The following ARHGAP26 variants were observed in gnomAD, a reference collection of about 807,000 sequenced individuals.
ARHGAP26 encodes rho GTPase-activating protein 26.
In ARHGAP26, 38 loss-of-function variants were observed where a neutral mutation model predicts 104.8. The observed-to-expected ratio is 0.36, with a 90% CI of 0.28 to 0.48. ARHGAP26 has a LOEUF of 0.48. Ranked by LOEUF, ARHGAP26 falls within the 20% of genes least tolerant of loss-of-function variation. ARHGAP26 has a pLI of 0.99. For synonymous variants in ARHGAP26, 341 were observed against 340.0 expected, an observed-to-expected ratio of 1.00 and a Z score of -0.03; for missense variants, 704 against 947.9, an observed-to-expected ratio of 0.74 and a Z score of 3.38.
chr5:143,088,718 G>C (rs1157887864), intron 17 of ARHGAP26, among the ~76,000 whole-genome samples: 1 of 152,178 alleles, frequency 6.6e-6, no homozygotes, highest in Non-Finnish European at 1.5e-5. Context: ...AGCGGTGAGC[G>C]CACACTTTGG....
At chr5:143,177,467 A>G (rs1169740160) in intron 20 of ARHGAP26, among the ~76,000 whole-genome samples, 2 of 152,186 alleles carry the variant, frequency 1.3e-5, no homozygotes, top group East Asian at 3.8e-4. Context: ...CAGACCACAG[A>G]AAACCTGGCA....
chr5:143,205,168 A>T (rs1808369242), intron 20 of ARHGAP26, among the ~76,000 whole-genome samples: 1 of 152,146 alleles, frequency 6.6e-6, no homozygotes, highest in Non-Finnish European at 1.5e-5. Context: ...CTTAGCCCTC[A>T]ACTGATGGAT....
chr5:142,903,341 A>G (rs914829813), intron 7 of ARHGAP26, among the ~76,000 whole-genome samples, 199 bp from the exon 8 acceptor site: 2 of 152,198 alleles, frequency 1.3e-5, no homozygotes, highest in Non-Finnish European at 2.9e-5. Flanking sequence ...TGATTTTGAT[A>G]GTCACTAGAG....
At chr5:142,885,893 T>G (rs1214840490) in intron 5 of ARHGAP26, among the ~76,000 whole-genome samples, 1 of 152,188 alleles carries the variant, frequency 6.6e-6, no homozygotes, top group Non-Finnish European at 1.5e-5. Flanking sequence ...AAGCAGTGCT[T>G]TATTGTCCTG....
chr5:142,804,991 G>C (rs1463063316), intron 1 of ARHGAP26, among the ~76,000 whole-genome samples: 6 of 151,874 alleles, frequency 4.0e-5, no homozygotes, highest in Admixed American at 3.3e-4. Context: ...ATGTTTTTCG[G>C]GTCCATTCAT....
chr5:142,804,799 A>AT (rs200767347), intron 1 of ARHGAP26, among the ~76,000 whole-genome samples: 31 of 149,252 alleles, frequency 2.1e-4, no homozygotes, highest in African/African-American at 3.9e-4. Context: ...GGCTGAACAG[A>AT]TTTTTTTTTT....
At chr5:143,175,084 TC>T (rs1254320415) in intron 20 of ARHGAP26, among the ~76,000 whole-genome samples, 1 of 152,230 alleles carries the variant, frequency 6.6e-6, no homozygotes, top group Non-Finnish European at 1.5e-5. Flanking sequence ...GACTTTCTTT[TC>T]CCCACATAAA....
At chr5:142,843,055 G>A (rs1162016317) in intron 1 of ARHGAP26, among the ~76,000 whole-genome samples, 1 of 152,128 alleles carries the variant, frequency 6.6e-6, no homozygotes, top group Non-Finnish European at 1.5e-5. Flanking sequence ...GCTCAGAGGT[G>A]GACCTACCCC....
chr5:143,120,416 C>A (rs113719524), intron 17 of ARHGAP26, among the ~76,000 whole-genome samples: 43 of 152,262 alleles, frequency 2.8e-4, no homozygotes, highest in African/African-American at 1.0e-3. Context: ...TGTTTATGCC[C>A]TGTTTCACTT....
At chr5:142,887,207 CT>C (rs1176848200) in intron 5 of ARHGAP26, among the ~76,000 whole-genome samples, 1 of 152,160 alleles carries the variant, frequency 6.6e-6, no homozygotes, top group Non-Finnish European at 1.5e-5. Context: ...CCAGCATTTT[CT>C]TTTAGGGCTG....
intron 17 of ARHGAP26, among the ~76,000 whole-genome samples, chr5:143,088,045 T>C (rs966495064): frequency 2.0e-5 from 3 of 152,114 alleles, no homozygotes; most frequent in African/African-American, 4.8e-5. Context: ...GCTGGAAGGG[T>C]CCTGGGATGT....
intron 1 of ARHGAP26, among the ~76,000 whole-genome samples, chr5:142,865,544 G>C (rs1754130565): frequency 7.0e-6 from 1 of 143,762 alleles, no homozygotes. Context: ...CTGACCAATG[G>C]TCTGTGCACA....
chr5:142,856,545 CT>C (rs1296724205), intron 1 of ARHGAP26, among the ~76,000 whole-genome samples: 1 of 152,190 alleles, frequency 6.6e-6, no homozygotes, highest in African/African-American at 2.4e-5. Flanking sequence ...GTATTAGCCT[CT>C]TTAGGCTGAC....
chr5:142,981,854 T>C (rs1444342540), intron 11 of ARHGAP26, among the ~76,000 whole-genome samples: 1 of 152,236 alleles, frequency 6.6e-6, no homozygotes, highest in African/African-American at 2.4e-5. Context: ...TCCTTGCTTT[T>C]TAAACCTCAA....
chr5:143,195,422 C>A (rs1293239963), intron 20 of ARHGAP26, among the ~76,000 whole-genome samples: 2 of 152,148 alleles, frequency 1.3e-5, no homozygotes, highest in African/African-American at 4.8e-5. Flanking sequence ...TTTCCTCCCC[C>A]TAGTCCAAAC....
intron 20 of ARHGAP26, among the ~76,000 whole-genome samples, chr5:143,195,564 C>A (rs1806697223): frequency 6.6e-6 from 1 of 152,146 alleles, no homozygotes; most frequent in South Asian, 2.1e-4. Flanking sequence ...TGACGTCCCC[C>A]TACCCCAGGT....
At chr5:142,850,606 G>T (rs369929953) in intron 1 of ARHGAP26, among the ~76,000 whole-genome samples, 1 of 152,162 alleles carries the variant, frequency 6.6e-6, no homozygotes, top group Non-Finnish European at 1.5e-5. Context: ...CAGTCTCTCC[G>T]TAAAATAGGT....
At chr5:143,143,940 A>T (rs1265047228) in intron 19 of ARHGAP26, among the ~76,000 whole-genome samples, 1 of 152,214 alleles carries the variant, frequency 6.6e-6, no homozygotes, top group Non-Finnish European at 1.5e-5. Context: ...CTTGTTGCTG[A>T]GGTCTTGTTT....
At chr5:142,984,434 A>G (rs1323450877) in intron 11 of ARHGAP26, among the ~76,000 whole-genome samples, 1 of 152,236 alleles carries the variant, frequency 6.6e-6, no homozygotes, top group Non-Finnish European at 1.5e-5. Context: ...TGAGTGACTT[A>G]GAAACTCCTT....
Sources: gnomAD v4.1 joint callset for allele counts (sites outside exome capture counted in the v4.1 genomes callset) on GRCh38, gnomAD v4.1.1 for gene constraint, MANE v1.5 for transcripts, NCBI Gene and HGNC (gene_info 2026-07-23, HGNC 2026-07-21) for gene names.